CTNNBL1: variants seen among roughly 807,000 people sequenced by gnomAD.
The protein encoded by CTNNBL1 is beta-catenin-like protein 1.
CTNNBL1 carries 31 observed loss-of-function variants against 72.7 expected under a neutral mutation model. The ratio of observed to expected loss-of-function variants is 0.43; its 90% CI spans 0.32 to 0.58. The LOEUF is 0.58. Ranked by LOEUF, CTNNBL1 falls within the 20% of genes least tolerant of loss-of-function variation. The pLI is 0.08. For synonymous variants in CTNNBL1, 240 were observed against 267.3 expected, an observed-to-expected ratio of 0.90 and a Z score of 1.00; for missense variants, 534 against 725.1, an observed-to-expected ratio of 0.74 and a Z score of 3.03.
At chr20:37,703,699 G>A (rs557871794) in intron 1 of CTNNBL1, among the ~76,000 whole-genome samples, 81 of 152,166 alleles carry the variant, frequency 5.3e-4, no homozygotes, top group African/African-American at 1.9e-3. Flanking sequence ...TCAGTCAGGG[G>A]TGTTGATGTT....
intron 1 of CTNNBL1, 33 bp from the exon 2 acceptor site, chr20:37,732,846 C>T (rs777970548): frequency 6.1e-5 from 98 of 1,601,652 alleles, no homozygotes; most frequent in Non-Finnish European, 7.7e-5. Context: ...ATGTTGTATC[C>T]AGCTCTAAAA....
intron 6 of CTNNBL1, among the ~76,000 whole-genome samples, chr20:37,766,285 G>A (rs1344051734): frequency 6.6e-6 from 1 of 152,180 alleles, no homozygotes; most frequent in Admixed American, 6.5e-5. Context: ...CTAACTGTCT[G>A]TTAATAAAAA....
At chr20:37,772,637 T>C (rs541874768) in intron 7 of CTNNBL1, among the ~76,000 whole-genome samples, 13 of 152,320 alleles carry the variant, frequency 8.5e-5, no homozygotes, top group Admixed American at 3.3e-4. Flanking sequence ...TGTAAGCCAC[T>C]GCGCCCGGCC....
At chr20:37,747,796 A>T (rs1483824363) in intron 4 of CTNNBL1, among the ~76,000 whole-genome samples, 6 of 151,866 alleles carry the variant, frequency 4.0e-5, no homozygotes, top group African/African-American at 1.5e-4. Context: ...CCCAGGCTGG[A>T]CTCAATCTCC....
intron 2 of CTNNBL1, among the ~76,000 whole-genome samples, chr20:37,736,609 C>T (rs958288670): frequency 2.0e-5 from 3 of 152,056 alleles, no homozygotes; most frequent in South Asian, 2.1e-4. Flanking sequence ...GGCACAGTCT[C>T]GGCTCACTGC....
At chr20:37,860,737 A>G (rs2072484447) in intron 15 of CTNNBL1, among the ~76,000 whole-genome samples, 1 of 152,250 alleles carries the variant, frequency 6.6e-6, no homozygotes, top group African/African-American at 2.4e-5. Context: ...TTTTGCTTTC[A>G]GTTACACACA....
At chr20:37,855,502 A>G (rs377681273) in intron 13 of CTNNBL1, among the ~76,000 whole-genome samples, 9 of 152,216 alleles carry the variant, frequency 5.9e-5, no homozygotes, top group Non-Finnish European at 8.8e-5. Flanking sequence ...AGCACCTGGC[A>G]CAGTTAGCTG....
chr20:37,746,171 CT>C (rs2073260500), intron 3 of CTNNBL1, among the ~76,000 whole-genome samples: 1 of 152,154 alleles, frequency 6.6e-6, no homozygotes, highest in African/African-American at 2.4e-5. Flanking sequence ...ATCTATAGGA[CT>C]GGTGGAAAGA....
At chr20:37,825,947 C>T (rs537180469) in intron 11 of CTNNBL1, among the ~76,000 whole-genome samples, 1 of 152,322 alleles carries the variant, frequency 6.6e-6, no homozygotes, top group East Asian at 1.9e-4. Context: ...TAGGAAACTA[C>T]AGGCTGGAGT....
chr20:37,716,866 A>G (rs2072990807), intron 1 of CTNNBL1, among the ~76,000 whole-genome samples: 1 of 152,252 alleles, frequency 6.6e-6, no homozygotes, highest in South Asian at 2.1e-4. Flanking sequence ...CTTGAAATAA[A>G]TGTGGCAGCT....
At chr20:37,865,331 T>G (rs781595147) in intron 15 of CTNNBL1, among the ~76,000 whole-genome samples, 2 of 152,182 alleles carry the variant, frequency 1.3e-5, no homozygotes, top group African/African-American at 2.4e-5. Context: ...AACTCACAGT[T>G]AATCCGGCTG....
chr20:37,825,095 A>G (rs1378913805), intron 11 of CTNNBL1, among the ~76,000 whole-genome samples: 2 of 151,726 alleles, frequency 1.3e-5, no homozygotes, highest in Admixed American at 6.6e-5. Context: ...GCTCATGCCT[A>G]TAATCCCAGC....
At chr20:37,868,291 GC>G (rs2072554075) in intron 15 of CTNNBL1, among the ~76,000 whole-genome samples, 1 of 69,360 alleles carries the variant, frequency 1.4e-5, no homozygotes, top group Non-Finnish European at 3.1e-5. Flanking sequence ...TTTTTTAGGG[GC>G]CTTTTTTTTT....
At chr20:37,770,444 A>G (rs1468824616) in intron 7 of CTNNBL1, among the ~76,000 whole-genome samples, 1 of 152,160 alleles carries the variant, frequency 6.6e-6, no homozygotes, top group African/African-American at 2.4e-5. Flanking sequence ...TACACAAAAT[A>G]ATTCAATAGT....
chr20:37,792,330 T>C (rs2073732176), intron 10 of CTNNBL1, among the ~76,000 whole-genome samples: 1 of 152,082 alleles, frequency 6.6e-6, no homozygotes, highest in Non-Finnish European at 1.5e-5. Context: ...CTCTGTGTGT[T>C]TGTGCGTGTA....
intron 13 of CTNNBL1, among the ~76,000 whole-genome samples, chr20:37,857,027 G>C (rs985071492): frequency 7.2e-5 from 11 of 152,160 alleles, no homozygotes; most frequent in Admixed American, 6.5e-4. Flanking sequence ...CCGTTTTCTA[G>C]CAACTGGTAA....
At chr20:37,827,258 A>C (rs2072168544) in intron 11 of CTNNBL1, among the ~76,000 whole-genome samples, 1 of 152,220 alleles carries the variant, frequency 6.6e-6, no homozygotes, top group South Asian at 2.1e-4. Flanking sequence ...CATTATGAAC[A>C]GGGCTGCTAT....
rs187244514 is a variant in CTNNBL1 at position 37,802,772 on chromosome 20, A to T, written c.1032-95A>T. On this transcript the variant is annotated intron_variant, in intron 10 of 15. Transcript: ENST00000361383. ...ACAAGTATGTAATATTTCCATTTAG[A>T]TGTATAATGTGTACGGCAGCAAATA... is the stretch of plus-strand genomic sequence containing the variant. 2.8e-3 allele frequency: 2,643 copies of T among 931,916 alleles called. 11 individuals are homozygous for T. The highest frequency in any genetic ancestry group is 3.8e-3 in the Non-Finnish European group (2,345 of 612,800). 57.7% of individuals were successfully genotyped at this position (931,916 alleles called of 1,614,324 possible).
At chr20:37,718,219 G>A (rs1205391783) in intron 1 of CTNNBL1, among the ~76,000 whole-genome samples, 3 of 150,300 alleles carry the variant, frequency 2.0e-5, no homozygotes, top group African/African-American at 2.5e-5. Context: ...GGGACGGGGC[G>A]GCTGGCCGGG....
Sources: allele counts gnomAD v4.1 joint callset (sites outside exome capture counted in the v4.1 genomes callset), GRCh38; gene constraint gnomAD v4.1.1; transcripts MANE v1.5; gene names NCBI Gene and HGNC (gene_info 2026-07-23, HGNC 2026-07-21).